The following ASB7 variants were observed in gnomAD, a reference collection of about 807,000 sequenced individuals.
ASB7 encodes the protein ankyrin repeat and SOCS box containing 7, also known as ankyrin repeat and SOCS box protein 7.
Under a neutral mutation model 32.5 loss-of-function variants are expected in ASB7, and 4 were observed. The observed-to-expected ratio is 0.12, with a 90% confidence interval of 0.06 to 0.28. The LOEUF (loss-of-function observed/expected upper bound fraction) is 0.28, where lower values mean the gene tolerates loss of function less well. Ranked by LOEUF, ASB7 falls within the 10% of genes least tolerant of loss-of-function variation. The pLI, the probability that ASB7 is intolerant of heterozygous loss-of-function variation, is 1.00. For missense variants in ASB7, 181 were observed against 407.1 expected, an observed-to-expected ratio of 0.44 and a Z score of 4.78; for synonymous variants, 172 against 155.6, an observed-to-expected ratio of 1.11 and a Z score of -0.78.
Position 100,629,855 on chromosome 15 carries a change from C to G in ASB7, c.630C>G (p.Arg210=). The G allele has an allele frequency of 1.9e-6, 3 of 1,614,194 alleles. No homozygotes were observed. The highest frequency in any genetic ancestry group is 2.5e-6 in the Non-Finnish European group (3 of 1,180,032). Residue 210 remains arginine, a synonymous_variant, in exon 5 of 6, where the codon CGC becomes CGG. Transcript: ENST00000332783. The surrounding 1 kb of genome is among the most constrained non-coding windows in gnomAD (Gnocchi z 6.8). ...GAGGGGCAGACACAAACTTGGGTCG[C>G]TTAGAAGACGGACAGACTCCTTTAC... The part of the protein sequence containing the change: ...LQRGADTNLG[R]LEDGQTPLHL...
intron 5 of ASB7, among the ~76,000 whole-genome samples, chr15:100,638,970 G>C (rs2039943483): frequency 6.6e-6 from 1 of 152,118 alleles, no homozygotes; most frequent in African/African-American, 2.4e-5. Context: ...CTCTGGTCTA[G>C]GTGATTCTTA....
At chr15:100,639,467 G>A (rs867042948) in intron 5 of ASB7, among the ~76,000 whole-genome samples, 2 of 151,946 alleles carry the variant, frequency 1.3e-5, no homozygotes, top group Admixed American at 1.3e-4. Flanking sequence ...AAGCGGGCTC[G>A]AGCTTTCTCA....
At chr15:100,617,959 G>A (rs1228943274) in intron 4 of ASB7, among the ~76,000 whole-genome samples, 1 of 152,002 alleles carries the variant, frequency 6.6e-6, no homozygotes, top group Non-Finnish European at 1.5e-5. Context: ...AATGCATCAT[G>A]CCTCCCCCCA....
At chr15:100,635,090 G>A (rs1459299361) in intron 5 of ASB7, among the ~76,000 whole-genome samples, 2 of 152,140 alleles carry the variant, frequency 1.3e-5, no homozygotes, top group Non-Finnish European at 2.9e-5. Context: ...AGAGTCAAAG[G>A]TTGGTTTGCC....
chr15:100,615,025 C>T (rs1228818029), intron 4 of ASB7, among the ~76,000 whole-genome samples: 2 of 152,156 alleles, frequency 1.3e-5, no homozygotes, highest in Non-Finnish European at 2.9e-5. Flanking sequence ...TGGTTAGGTA[C>T]ACAAATGCCA....
rs1356776221 is a variant in ASB7 at position 100,648,619 on chromosome 15, T to C, written c.*157T>C. The stretch of plus-strand genomic sequence containing the variant: ...TTTCTGTTTGTTTGGTTGGTTTTCA[T>C]TGTAGGGGAGGGATTTTTTATATAT... On this transcript the variant is annotated 3_prime_UTR_variant, in exon 6 of 6. Coordinates refer to ENST00000332783, the MANE Select transcript of ASB7 (RefSeq NM_198243.3). The C allele has an allele frequency of 3.6e-6, 2 of 553,084 alleles. No individual in the cohort carries two copies. The highest frequency in any genetic ancestry group is 6.0e-6 in the Non-Finnish European group (2 of 330,838). The allele number at this position is 553,084 out of a possible 1,614,324, so 34.3% of individuals were successfully genotyped here.
intron 5 of ASB7, among the ~76,000 whole-genome samples, chr15:100,641,713 G>C (rs949119063): frequency 2.0e-5 from 3 of 152,222 alleles, no homozygotes; most frequent in African/African-American, 7.2e-5. Context: ...ACACCAGGAA[G>C]GTGGAGACTC....
Position 100,629,416 on chromosome 15 carries a change from T to G in ASB7, c.212-21T>G. ...TTTGTCTTGGAGTCTGCTAATACTTTCATTTTGGTTTTAACTCCAGCTGAT... is the reference window on the plus strand; with the variant it reads ...TTTGTCTTGGAGTCTGCTAATACTTGCATTTTGGTTTTAACTCCAGCTGAT... On this transcript the variant is annotated intron_variant, in intron 4 of 5. Coordinates refer to ENST00000332783, the MANE Select transcript of ASB7 (RefSeq NM_198243.3). The surrounding 1 kb of genome is among the most constrained non-coding windows in gnomAD (Gnocchi z 6.8). 2.5e-6 allele frequency: 4 copies of G among 1,583,292 alleles called. No homozygotes were observed. Among genetic ancestry groups the G allele is most frequent in the Non-Finnish European group, 3.5e-6 (4 of 1,158,240 alleles).
intron 4 of ASB7, among the ~76,000 whole-genome samples, chr15:100,617,825 C>A (rs562113147): frequency 6.6e-6 from 1 of 152,182 alleles, no homozygotes; most frequent in Non-Finnish European, 1.5e-5. Context: ...AGAAAGAAAG[C>A]GAAAACTAAC....
At chr15:100,615,335 C>T (rs979846279) in intron 4 of ASB7, among the ~76,000 whole-genome samples, 6 of 152,126 alleles carry the variant, frequency 3.9e-5, no homozygotes, top group South Asian at 2.1e-4. Context: ...TAATGGCTTT[C>T]GGCATATTCA....
rs2040010258 is a variant in ASB7 at position 100,648,400 on chromosome 15, G to A, written c.895G>A (p.Asp299Asn). The change falls in exon 6 of 6, where the codon GAT becomes AAT. Residue 299 changes from aspartate (D) to asparagine (N), a missense_variant. Asp to Asn is a conservative substitution (Grantham distance 23, BLOSUM62 1). Coordinates refer to ENST00000332783, the MANE Select transcript of ASB7 (RefSeq NM_198243.3). ...AGGCCTTCAAAACCTAAAGCTACTTGATGAACTACCAATTGCCAAGGTCAT... is the reference window on the plus strand; with the variant it reads ...AGGCCTTCAAAACCTAAAGCTACTTAATGAACTACCAATTGCCAAGGTCAT... Reference protein sequence around the residue: ...CIGLQNLKLLDELPIAKVMKD... With the variant: ...CIGLQNLKLLNELPIAKVMKD... 2.5e-6 allele frequency: 4 copies of A among 1,609,934 alleles called. No individual in the cohort carries two copies. Among genetic ancestry groups the A allele is most frequent in the Non-Finnish European group, 2.6e-6 (3 of 1,176,350 alleles).
At chr15:100,616,069 C>T (rs983424422) in intron 4 of ASB7, among the ~76,000 whole-genome samples, 3 of 152,190 alleles carry the variant, frequency 2.0e-5, no homozygotes, top group Admixed American at 2.0e-4. Context: ...CATTTTATGT[C>T]CTTACTGACC....
chr15:100,619,423 G>C (rs2039772455), intron 4 of ASB7, among the ~76,000 whole-genome samples: 1 of 152,248 alleles, frequency 6.6e-6, no homozygotes. Context: ...GAACATATCA[G>C]AAGGGCGTAA....
chr15:100,642,451 C>T (rs567724503), intron 5 of ASB7, among the ~76,000 whole-genome samples: 2 of 152,348 alleles, frequency 1.3e-5, no homozygotes, highest in East Asian at 3.9e-4. Context: ...TACATACATA[C>T]AAGGCTTCCC....
At chr15:100,648,173 T>G (rs2040009039) in intron 5 of ASB7, 150 bp from the exon 6 acceptor site, 1 of 764,510 alleles carries the variant, frequency 1.3e-6, no homozygotes, top group African/African-American at 1.8e-5. Context: ...CGCATGAAGG[T>G]CCTAGGACAC....
At chr15:100,644,702 G>T (rs1490891944) in intron 5 of ASB7, among the ~76,000 whole-genome samples, 1 of 152,230 alleles carries the variant, frequency 6.6e-6, no homozygotes. Flanking sequence ...CTTATTAAAT[G>T]TTATAAAGGA....
At position 100,625,136 on chromosome 15, in the gene ASB7, G is replaced by T. The variant is rs185874346; in HGVS notation, c.212-4301G>T. ...ATGAAAAGCTACAGCTTCCCGGGTG[G>T]TGAACTACTGAATTCTTTCCTTTTA... On this transcript the variant is annotated intron_variant, in intron 4 of 5. Coordinates refer to ENST00000332783, the MANE Select transcript of ASB7 (RefSeq NM_198243.3). 1.3e-5 allele frequency among the ~76,000 whole-genome samples: 2 copies of T among 152,292 alleles called. 1 individual carries two copies. The highest frequency in any genetic ancestry group is 1.3e-4 in the Admixed American group (2 of 15,298).
chr15:100,609,206 T>C (rs1274703902), intron 2 of ASB7, among the ~76,000 whole-genome samples: 2 of 152,346 alleles, frequency 1.3e-5, no homozygotes, highest in East Asian at 3.9e-4. Context: ...ACTTGATGCC[T>C]TTAGGGCACA....
At chr15:100,626,106 G>A (rs1040913249) in intron 4 of ASB7, among the ~76,000 whole-genome samples, 1 of 152,030 alleles carries the variant, frequency 6.6e-6, no homozygotes, top group Non-Finnish European at 1.5e-5. Flanking sequence ...TTTTAAAATA[G>A]GATACAAAAC....
Sources: allele counts gnomAD v4.1 joint callset (sites outside exome capture counted in the v4.1 genomes callset), GRCh38; gene constraint gnomAD v4.1.1; non-coding constraint Gnocchi (gnomAD v3.1); transcripts MANE v1.5; gene names NCBI Gene and HGNC (gene_info 2026-07-23, HGNC 2026-07-21).